XPNPEP1: variants seen among roughly 807,000 people sequenced by gnomAD.
XPNPEP1 encodes X-prolyl aminopeptidase 1, also known as xaa-Pro aminopeptidase 1.
In XPNPEP1, 39 loss-of-function variants were observed where a neutral mutation model predicts 92.4. That is an observed-to-expected ratio of 0.42 (90% CI 0.33 to 0.55). XPNPEP1 has a LOEUF of 0.55. Ranked by LOEUF, XPNPEP1 falls within the 20% of genes least tolerant of loss-of-function variation. XPNPEP1 has a pLI of 0.08. For synonymous variants in XPNPEP1, 307 were observed against 299.4 expected (o/e 1.03, Z -0.26); for missense variants, 654 against 856.1 (o/e 0.76, Z 2.95).
At chr10:109,912,226 C>G (rs1849917159) in intron 2 of XPNPEP1, among the ~76,000 whole-genome samples, 1 of 152,218 alleles carries the variant, frequency 6.6e-6, no homozygotes, top group African/African-American at 2.4e-5. Context: ...TTCCCTCTTC[C>G]TACTTCCTCA....
At chr10:109,916,766 A>G (rs548946791) in intron 1 of XPNPEP1, among the ~76,000 whole-genome samples, 2 of 152,354 alleles carry the variant, frequency 1.3e-5, no homozygotes, top group Non-Finnish European at 2.9e-5. Flanking sequence ...GAACAATATA[A>G]AAAGGATCAT....
intron 10 of XPNPEP1, 134 bp downstream of exon 10, chr10:109,882,297 CT>C: frequency 1.0e-6 from 1 of 999,606 alleles, no homozygotes; most frequent in Non-Finnish European, 1.5e-6. Flanking sequence ...ATGGCTCCAG[CT>C]TTAAGGCCTC....
intron 5 of XPNPEP1, among the ~76,000 whole-genome samples, chr10:109,890,593 T>TGTGTGTGTGAGA (rs1445814052): frequency 2.9e-5 from 3 of 104,064 alleles, no homozygotes; most frequent in Non-Finnish European, 5.7e-5. Context: ...TGTGTGTGTG[T>TGTGTGTGTGAGA]GAGAGAGAGA....
chr10:109,875,716 A>T (rs1847746891), intron 14 of XPNPEP1, 117 bp from the exon 15 acceptor site: 1 of 725,354 alleles, frequency 1.4e-6, no homozygotes, highest in East Asian at 2.8e-5. Context: ...GCCTGAAATT[A>T]TATCAAAATA....
intron 1 of XPNPEP1, among the ~76,000 whole-genome samples, chr10:109,919,914 C>T (rs1474333553): frequency 6.6e-6 from 1 of 152,074 alleles, no homozygotes; most frequent in Non-Finnish European, 1.5e-5. Context: ...CACCTGTAGT[C>T]CCAGCTACTC....
chr10:109,870,654 T>G, intron 18 of XPNPEP1, 77 bp downstream of exon 18: 1 of 1,505,044 alleles, frequency 6.6e-7, no homozygotes, highest in Non-Finnish European at 8.9e-7. Context: ...TTAAACTAAT[T>G]AAAAAATACA....
At chr10:109,866,514 C>T (rs1216325335) in intron 20 of XPNPEP1, among the ~76,000 whole-genome samples, 2 of 152,202 alleles carry the variant, frequency 1.3e-5, no homozygotes, top group Non-Finnish European at 2.9e-5. Flanking sequence ...CGGCAGCATC[C>T]TGGTGTAAGC....
At position 109,868,677 on chromosome 10, in the gene XPNPEP1, T is replaced by A. The variant is rs1847277946; in HGVS notation, c.1809A>T (p.Glu603Asp). The A allele has an allele frequency of 6.2e-7, 1 of 1,613,594 alleles. No individual in the cohort carries two copies. Among genetic ancestry groups the A allele is most frequent in the Non-Finnish European group, 8.5e-7 (1 of 1,179,918 alleles). Residue 603 changes from glutamate (E) to aspartate (D), a missense_variant, in exon 20 of 21, where the codon GAA becomes GAT. Glu to Asp is a conservative substitution (Grantham distance 45). Transcript: ENST00000502935. ...TCTGAATTGGAACCAATGTTAGAGGTTCAAAGGTCAGGCTTCCCCGGTTAT... is the reference window on the plus strand; with the variant it reads ...TCTGAATTGGAACCAATGTTAGAGGATCAAAGGTCAGGCTTCCCCGGTTAT... ...NFNNRGSLTF[E>D]PLTLVPIQTK...
At chr10:109,880,814 C>A in intron 11 of XPNPEP1, 28 bp downstream of exon 11, 1 of 1,610,218 alleles carries the variant, frequency 6.2e-7, no homozygotes, top group Non-Finnish European at 8.5e-7. Flanking sequence ...CCTCACATCC[C>A]ATCTTCTGCA....
In XPNPEP1 at chr10:109,868,648, T is replaced by C; in HGVS notation, c.1838A>G (p.Lys613Arg). Residue 613 changes from lysine (K) to arginine (R), a missense_variant, in exon 20 of 21, where the codon AAA becomes AGA. By Grantham distance (26) the Lys-to-Arg change is conservative. Transcript: ENST00000502935. ...EPLTLVPIQT[K>R]MIDVDSLTDK... ...TGTAAGAGAATCCACATCTATCATT[T>C]TGGTCTGAATTGGAACCAATGTTAG... 1 of 1,613,998 alleles carries C rather than the reference T, an allele frequency of 6.2e-7. No individual in the cohort carries two copies. The highest frequency in any genetic ancestry group is 8.5e-7 in the Non-Finnish European group (1 of 1,179,962).
chr10:109,870,945 G>A (rs569618037), intron 17 of XPNPEP1, 41 bp from the exon 18 acceptor site: 47 of 1,574,616 alleles, frequency 3.0e-5, no homozygotes, highest in East Asian at 1.1e-4. Flanking sequence ...TTTGTACAGC[G>A]CTTTAGAGAT....
chr10:109,866,806 T>C (rs1847169011), intron 20 of XPNPEP1, among the ~76,000 whole-genome samples: 1 of 152,234 alleles, frequency 6.6e-6, no homozygotes, highest in Admixed American at 6.5e-5. Flanking sequence ...TAAGAAGACA[T>C]TATCTGCCCT....
chr10:109,873,706 T>C (rs944469977), intron 15 of XPNPEP1: 2 of 441,954 alleles, frequency 4.5e-6, no homozygotes, highest in South Asian at 3.2e-5. Flanking sequence ...TTATTCATAA[T>C]AGCCAGAAGA....
chr10:109,907,085 T>C (rs1849595633), intron 3 of XPNPEP1, among the ~76,000 whole-genome samples: 1 of 152,240 alleles, frequency 6.6e-6, no homozygotes, highest in Non-Finnish European at 1.5e-5. Context: ...TAGGGCCTTA[T>C]ACATAAGTAA....
At chr10:109,891,617 G>T in intron 5 of XPNPEP1, 105 bp downstream of exon 5, 1 of 918,200 alleles carries the variant, frequency 1.1e-6, no homozygotes, top group Non-Finnish European at 1.6e-6. Context: ...TCTCAAAAGG[G>T]TCCATGACTG....
At position 109,893,095 on chromosome 10, in the gene XPNPEP1, A is replaced by G; in HGVS notation, c.247-20T>C. The G allele has an allele frequency of 6.2e-7, 1 of 1,611,850 alleles. No homozygotes were observed. The stretch of plus-strand genomic sequence containing the variant: ...CTCACTCTGGAAAACAAAGATGACA[A>G]CAAAGTGGGCCTCGATCAGTCATGA... On this transcript the variant is annotated intron_variant, in intron 3 of 20. Coordinates refer to ENST00000502935, the MANE Select transcript of XPNPEP1 (RefSeq NM_020383.4).
At chr10:109,920,932 C>T (rs12416191) in intron 1 of XPNPEP1, among the ~76,000 whole-genome samples, 83,225 of 151,928 alleles carry the variant, frequency 0.55, 24,966 homozygotes, top group East Asian at 0.77. Context: ...ACTCAGTAGC[C>T]GCAAAGCCAA....
rs185227814 is a variant in XPNPEP1 at position 109,873,658 on chromosome 10, T to A, written c.1392-231A>T. 1,736 of 529,772 alleles carry A rather than the reference T, an allele frequency of 3.3e-3. 27 individuals are homozygous for A. The highest frequency in any genetic ancestry group is 0.025 in the Middle Eastern group (52 of 2,100). 32.8% of individuals were successfully genotyped at this position (529,772 alleles called of 1,614,324 possible). A position where few individuals can be genotyped will look rare whatever the true frequency, so the allele number is the denominator to read the frequency against. On this transcript the variant is annotated intron_variant, in intron 15 of 20. Coordinates refer to ENST00000502935, the MANE Select transcript of XPNPEP1 (RefSeq NM_020383.4). Reference sequence around the variant, plus strand: ...TATCCAAGAGAACTGAAAACATACATCCACACAAAAACTTGTACATGAAGG... The same window carrying A: ...TATCCAAGAGAACTGAAAACATACAACCACACAAAAACTTGTACATGAAGG...
intron 2 of XPNPEP1, among the ~76,000 whole-genome samples, chr10:109,911,192 G>A (rs914130757): frequency 2.6e-5 from 4 of 152,230 alleles, no homozygotes; most frequent in Non-Finnish European, 4.4e-5. Flanking sequence ...GTACTCAAAG[G>A]AAGAGTCAAT....
Sources: gnomAD v4.1 joint callset for allele counts (sites outside exome capture counted in the v4.1 genomes callset) on GRCh38, gnomAD v4.1.1 for gene constraint, MANE v1.5 for transcripts, NCBI Gene and HGNC (gene_info 2026-07-23, HGNC 2026-07-21) for gene names.